The following STXBP5 variants were observed in gnomAD, a reference collection of about 807,000 sequenced individuals.
STXBP5 encodes the protein syntaxin-binding protein 5.
Under a neutral mutation model 152.4 loss-of-function variants are expected in STXBP5, and 50 were observed. That is an observed-to-expected ratio of 0.33 (90% CI 0.26 to 0.42). STXBP5 has a LOEUF of 0.42. Among genes scored for constraint, STXBP5 ranks in the 10% least tolerant of loss-of-function variants. The pLI is 1.00. For synonymous variants in STXBP5, 492 were observed against 494.7 expected, an observed-to-expected ratio of 0.99 and a Z score of 0.07; for missense variants, 1,167 against 1,388.6, an observed-to-expected ratio of 0.84 and a Z score of 2.54.
intron 26 of STXBP5, among the ~76,000 whole-genome samples, chr6:147,375,132 A>G (rs1785747195): frequency 6.6e-6 from 1 of 152,224 alleles, no homozygotes; most frequent in Non-Finnish European, 1.5e-5. Flanking sequence ...AGGAACATAG[A>G]TGACCAGAAA....
At chr6:147,328,313 G>T (rs923363064) in intron 18 of STXBP5, among the ~76,000 whole-genome samples, 1 of 152,110 alleles carries the variant, frequency 6.6e-6, no homozygotes. Context: ...AGAGATTGAG[G>T]GCAACCTGTT....
chr6:147,371,105 A>G (rs541207317), intron 25 of STXBP5, among the ~76,000 whole-genome samples: 29 of 152,170 alleles, frequency 1.9e-4, no homozygotes, highest in African/African-American at 6.7e-4. Context: ...ATTAAGTCCA[A>G]TGTCTTGTTT....
At chr6:147,335,693 G>A (rs1335979249) in intron 19 of STXBP5, among the ~76,000 whole-genome samples, 3 of 152,066 alleles carry the variant, frequency 2.0e-5, no homozygotes, top group South Asian at 2.1e-4. Flanking sequence ...CCAGCTACTC[G>A]GGAGGCTGAG....
At chr6:147,330,699 A>C (rs1028896277) in intron 18 of STXBP5, among the ~76,000 whole-genome samples, 3 of 152,210 alleles carry the variant, frequency 2.0e-5, no homozygotes, top group Non-Finnish European at 2.9e-5. Context: ...GACTTATGGC[A>C]GCCTGTTGAC....
At chr6:147,326,625 T>G (rs1783271354) in intron 17 of STXBP5, among the ~76,000 whole-genome samples, 2 of 152,222 alleles carry the variant, frequency 1.3e-5, no homozygotes. Context: ...CATAGTTGAT[T>G]GGTTTATAGT....
chr6:147,290,914 G>A (rs990004091), intron 8 of STXBP5, among the ~76,000 whole-genome samples, 180 bp from the exon 9 acceptor site: 2 of 151,950 alleles, frequency 1.3e-5, no homozygotes, highest in Non-Finnish European at 2.9e-5. Flanking sequence ...AATTTCAAAC[G>A]GTAACTTTGC....
chr6:147,342,491 C>T (rs1487823527), intron 21 of STXBP5, among the ~76,000 whole-genome samples: 1 of 152,106 alleles, frequency 6.6e-6, no homozygotes, highest in East Asian at 1.9e-4. Context: ...AATGTAATTG[C>T]AGCATCCACA....
intron 7 of STXBP5, 71 bp downstream of exon 7, chr6:147,267,238 T>C (rs1354070440): frequency 4.7e-5 from 62 of 1,330,930 alleles, no homozygotes; most frequent in Non-Finnish European, 6.3e-5. Flanking sequence ...AAAAACTTAA[T>C]TGGTAATTTT....
At chr6:147,359,593 A>C (rs1669598042) in intron 23 of STXBP5, among the ~76,000 whole-genome samples, 1 of 145,212 alleles carries the variant, frequency 6.9e-6, no homozygotes, top group South Asian at 2.4e-4. Flanking sequence ...TATATCTCCC[A>C]ATGCTATCCC....
chr6:147,235,308 C>G lies in STXBP5; in HGVS notation c.307C>G (p.Gln103Glu). ...GCATGACAGTGGAGCTGCAGTAATC[C>G]AGCTCCAGTTCCTGATTAATGAGGT... is the stretch of plus-strand genomic sequence containing the variant. ...CQHDSGAAVI[Q>E]LQFLINEGAL... The change falls in exon 3 of 28, where the codon CAG (glutamine) becomes GAG (glutamate). Residue 103 changes from glutamine (Q) to glutamate (E), a missense_variant. Gln to Glu is a conservative substitution (Grantham distance 29). Around this residue, in one of 3 missense-constraint regions of STXBP5, gnomAD observed 310 missense variants for 346.1 expected, o/e 0.90. Transcript: ENST00000321680. 1 of 1,612,658 alleles carries G rather than the reference C, an allele frequency of 6.2e-7. No homozygotes were observed. The highest frequency in any genetic ancestry group is 8.5e-7 in the Non-Finnish European group (1 of 1,179,138).
chr6:147,371,515 A>G (rs944609968), intron 25 of STXBP5, among the ~76,000 whole-genome samples: 2 of 152,070 alleles, frequency 1.3e-5, no homozygotes, highest in Admixed American at 1.3e-4. Flanking sequence ...TAATCCTAGT[A>G]ATGTTCCTGA....
chr6:147,339,827 C>T lies in STXBP5; in HGVS notation c.2254+443C>T, dbSNP rs1562256142. On this transcript the variant is annotated intron_variant, in intron 21 of 27. Coordinates refer to ENST00000321680, the MANE Select transcript of STXBP5 (RefSeq NM_001127715.4). Reference sequence around the variant, plus strand: ...GACTCTTTTAGTCTATAATCTGTACCGCCTTTGGCAAAGTTAAATAGGAAT... The same window carrying T: ...GACTCTTTTAGTCTATAATCTGTACTGCCTTTGGCAAAGTTAAATAGGAAT... Among the ~76,000 whole-genome samples, 4 of 151,694 alleles carry T rather than the reference C, an allele frequency of 2.6e-5. No individual in the cohort carries two copies. In the South Asian group the frequency reaches 6.2e-4, roughly 24 times the overall value.
intron 21 of STXBP5, among the ~76,000 whole-genome samples, chr6:147,349,787 A>G (rs1345480349): frequency 6.6e-6 from 1 of 152,212 alleles, no homozygotes; most frequent in East Asian, 1.9e-4. Context: ...GATATTTAAT[A>G]AATGAATATT....
intron 26 of STXBP5, among the ~76,000 whole-genome samples, chr6:147,377,744 C>G (rs1162498923): frequency 6.6e-6 from 1 of 151,986 alleles, no homozygotes; most frequent in Non-Finnish European, 1.5e-5. Context: ...CCACTTCTGA[C>G]ATTACATTAG....
chr6:147,207,114 G>A (rs1446845382), intron 2 of STXBP5, among the ~76,000 whole-genome samples: 1 of 152,122 alleles, frequency 6.6e-6, no homozygotes, highest in African/African-American at 2.4e-5. Flanking sequence ...TCTGGTTCCT[G>A]AGAAGGAGTG....
In STXBP5 at chr6:147,329,848, C is replaced by T. The variant is rs1483378426; in HGVS notation, c.2080+2572C>T. ...TTCACCGTGTTAGCCAGGATGGTCT[C>T]GATCTCCTGACCTCATGATCCGCCC... On this transcript the variant is annotated intron_variant, in intron 18 of 27. Coordinates refer to ENST00000321680, the MANE Select transcript of STXBP5 (RefSeq NM_001127715.4). Among the ~76,000 whole-genome samples, 4 of 151,826 alleles carry T rather than the reference C, an allele frequency of 2.6e-5. 1 individual carries two copies. The highest frequency in any genetic ancestry group is 3.9e-4 in the East Asian group (2 of 5,176).
chr6:147,303,168 G>T (rs902223340), intron 9 of STXBP5, among the ~76,000 whole-genome samples: 1 of 152,096 alleles, frequency 6.6e-6, no homozygotes, highest in Non-Finnish European at 1.5e-5. Context: ...TACTGATATG[G>T]TTTGACTGTG....
At chr6:147,293,547 C>G (rs970209848) in intron 9 of STXBP5, among the ~76,000 whole-genome samples, 1 of 152,148 alleles carries the variant, frequency 6.6e-6, no homozygotes, top group Non-Finnish European at 1.5e-5. Flanking sequence ...TAAGCAGATG[C>G]CAACAGAATG....
intron 16 of STXBP5, among the ~76,000 whole-genome samples, chr6:147,318,530 T>C (rs759455104): frequency 6.6e-6 from 1 of 152,204 alleles, no homozygotes; most frequent in East Asian, 1.9e-4. Flanking sequence ...GATTATGGTA[T>C]GGCCATCTTT....
Sources: gnomAD v4.1 joint callset for allele counts (sites outside exome capture counted in the v4.1 genomes callset) on GRCh38, gnomAD v4.1.1 for gene constraint, gnomAD v4.1.1 regional missense constraint, MANE v1.5 for transcripts, NCBI Gene and HGNC (gene_info 2026-07-23, HGNC 2026-07-21) for gene names.